The following WDFY3 variants were observed in gnomAD, a reference collection of about 807,000 sequenced individuals.
WDFY3 encodes the protein WD repeat and FYVE domain-containing protein 3.
WDFY3 carries 66 observed loss-of-function variants against 409.6 expected under a neutral mutation model. The observed-to-expected ratio is 0.16, with a 90% confidence interval of 0.13 to 0.20. The LOEUF (loss-of-function observed/expected upper bound fraction) is 0.20, where lower values mean the gene tolerates loss of function less well. Among genes scored for constraint, WDFY3 ranks in the 10% least tolerant of loss-of-function variants. The pLI is 1.00. For synonymous variants in WDFY3, 1,521 were observed against 1,537.1 expected (o/e 0.99, Z 0.25); for missense variants, 3,031 against 4,298.1 (o/e 0.71, Z 8.24).
At chr4:84,914,196 C>T (rs1224823521) in intron 2 of WDFY3, among the ~76,000 whole-genome samples, 8 of 151,952 alleles carry the variant, frequency 5.3e-5, no homozygotes, top group Admixed American at 3.3e-4. Context: ...CCGAGGCGGG[C>T]GGATCACAAG....
intron 2 of WDFY3, among the ~76,000 whole-genome samples, chr4:84,904,458 T>C (rs1189386917): frequency 1.3e-5 from 2 of 152,186 alleles, no homozygotes; most frequent in Non-Finnish European, 2.9e-5. Flanking sequence ...AGGGCTCTGT[T>C]AGTCATTCAT....
At chr4:84,859,438 TA>T (rs1760242067) in intron 4 of WDFY3, among the ~76,000 whole-genome samples, 1 of 152,126 alleles carries the variant, frequency 6.6e-6, no homozygotes, top group South Asian at 2.1e-4. Flanking sequence ...ACAACAGCAG[TA>T]AAAGTATGTT....
In WDFY3 at chr4:84,889,931, T is replaced by C. The variant is rs142990203; in HGVS notation, c.-32+6980A>G. ...GTTCCAAATTCTTATAGCCAGTATA[T>C]GATAAATATGGTGGGGATTGCAGCT... On this transcript the variant is annotated intron_variant, in intron 3 of 67. Coordinates refer to ENST00000295888, the MANE Select transcript of WDFY3 (RefSeq NM_014991.6). Among the ~76,000 whole-genome samples the C allele has an allele frequency of 5.1e-3, 783 of 152,274 alleles. 6 individuals carry two copies. Among genetic ancestry groups the C allele is most frequent in the African/African-American group, 0.018 (736 of 41,556 alleles).
At chr4:84,696,699 T>C in intron 57 of WDFY3, 33 bp downstream of exon 57, 1 of 1,602,280 alleles carries the variant, frequency 6.2e-7, no homozygotes, top group Non-Finnish European at 8.5e-7. Flanking sequence ...CCAAATGAAA[T>C]TCAACTTCAA....
chr4:84,911,177 G>T (rs1343745533), intron 2 of WDFY3, among the ~76,000 whole-genome samples: 1 of 152,088 alleles, frequency 6.6e-6, no homozygotes, highest in African/African-American at 2.4e-5. Context: ...TCTGATAAGG[G>T]TTATCCAGAA....
At chr4:84,678,882 A>G (rs201710690) in intron 65 of WDFY3, 37 bp downstream of exon 65, 13 of 1,578,254 alleles carry the variant, frequency 8.2e-6, no homozygotes, top group African/African-American at 1.3e-5. Context: ...CACACCACAT[A>G]TAAGGAGTGA....
At chr4:84,831,286 C>G in intron 8 of WDFY3, 127 bp downstream of exon 8, 1 of 759,272 alleles carries the variant, frequency 1.3e-6, no homozygotes, top group South Asian at 5.4e-5. Context: ...TTTCTTTTCT[C>G]TGGGCAAATT....
In WDFY3 at chr4:84,677,016, G is replaced by A. The variant is rs183141083; in HGVS notation, c.10457+183C>T. The stretch of plus-strand genomic sequence containing the variant: ...ATGGATGACAAGGTGTTTGTGACTT[G>A]TATGACAGAAAAATTTCCTAATTGT... On this transcript the variant is annotated intron_variant, in intron 67 of 67. Transcript: ENST00000295888. Among the ~76,000 whole-genome samples the A allele has an allele frequency of 1.1e-4, 17 of 152,290 alleles. No individual in the cohort carries two copies. In the East Asian group the frequency reaches 3.3e-3, roughly 29 times the overall value.
At chr4:84,707,181 C>T (rs942275185) in intron 53 of WDFY3, among the ~76,000 whole-genome samples, 8 of 152,048 alleles carry the variant, frequency 5.3e-5, no homozygotes, top group African/African-American at 1.7e-4. Context: ...TTGCCCTCCT[C>T]GGCCTCCCAA....
chr4:84,893,081 A>C (rs1406342171), intron 3 of WDFY3, among the ~76,000 whole-genome samples: 1 of 152,170 alleles, frequency 6.6e-6, no homozygotes, highest in Non-Finnish European at 1.5e-5. Context: ...AGAATTAGAG[A>C]AGGGGAGAGT....
chr4:84,941,435 A>T (rs1417885548), intron 1 of WDFY3, among the ~76,000 whole-genome samples: 1 of 152,052 alleles, frequency 6.6e-6, no homozygotes, highest in Non-Finnish European at 1.5e-5. Flanking sequence ...TAATTCTAAC[A>T]AACTGTGCAA....
chr4:84,750,126 C>G (rs1254401028), intron 36 of WDFY3, among the ~76,000 whole-genome samples: 1 of 152,068 alleles, frequency 6.6e-6, no homozygotes, highest in Admixed American at 6.6e-5. Context: ...CTATTATTTT[C>G]CAATAAACTA....
intron 32 of WDFY3, among the ~76,000 whole-genome samples, chr4:84,761,804 A>C (rs1345648185): frequency 6.6e-6 from 1 of 152,218 alleles, no homozygotes; most frequent in Non-Finnish European, 1.5e-5. Context: ...TGGGCAAAGG[A>C]CATGAACAGA....
Position 84,817,463 on chromosome 4 carries a change from T to C in WDFY3, c.1816A>G (p.Met606Val). 1 of 1,613,844 alleles carries C rather than the reference T, an allele frequency of 6.2e-7. No homozygotes were observed. The highest frequency in any genetic ancestry group is 8.5e-7 in the Non-Finnish European group (1 of 1,179,802). The change falls in exon 13 of 68, where the codon ATG (methionine) becomes GTG (valine). Residue 606 changes from methionine to valine, a missense_variant. Physicochemically the swap from Met to Val is conservative, Grantham distance 21 (BLOSUM62 1). Coordinates refer to ENST00000295888, the MANE Select transcript of WDFY3 (RefSeq NM_014991.6). Reference protein sequence around the residue: ...LVLSPNGDDDMGTLLGLMHSA... With the variant: ...LVLSPNGDDDVGTLLGLMHSA... Reference sequence around the variant, plus strand: ...TGCATTAGCCCCAGGAGAGTGCCCATGTCATCGTCCCCATTTGGGGAGAGC... The same window carrying C: ...TGCATTAGCCCCAGGAGAGTGCCCACGTCATCGTCCCCATTTGGGGAGAGC...
chr4:84,888,848 T>G (rs1764568015), intron 3 of WDFY3, among the ~76,000 whole-genome samples: 2 of 151,964 alleles, frequency 1.3e-5, no homozygotes, highest in African/African-American at 4.8e-5. Flanking sequence ...TTTTTTTTCT[T>G]GGCTAGCTGG....
At chr4:84,846,636 T>C (rs1269994208) in intron 5 of WDFY3, among the ~76,000 whole-genome samples, 2 of 149,702 alleles carry the variant, frequency 1.3e-5, no homozygotes, top group African/African-American at 4.9e-5. Context: ...TGGGGATACC[T>C]AATTTCATCA....
Position 84,672,982 on chromosome 4 carries a change from G to A in WDFY3, c.10467C>T (p.Arg3489=), listed in dbSNP as rs1725657709. Residue 3489 remains arginine, a synonymous_variant, in exon 68 of 68, where the codon CGC becomes CGT. Coordinates refer to ENST00000295888, the MANE Select transcript of WDFY3 (RefSeq NM_014991.6). ...CGQLFCQKCS[R]FQSEIKRLKI... is the part of the protein sequence containing the mutation. ...TCAAGCGTTTGATTTCAGATTGAAAGCGACTGCACCTAAAGGAAAGGAAAA... is the reference window on the plus strand; with the variant it reads ...TCAAGCGTTTGATTTCAGATTGAAAACGACTGCACCTAAAGGAAAGGAAAA... The A allele has an allele frequency of 2.5e-6, 4 of 1,614,092 alleles. No individual in the cohort carries two copies. The highest frequency in any genetic ancestry group is 3.4e-6 in the Non-Finnish European group (4 of 1,179,972).
rs1733158195 is a variant in WDFY3 at position 84,712,799 on chromosome 4, A to T, written c.8042+360T>A. 2.0e-5 allele frequency among the ~76,000 whole-genome samples: 3 copies of T among 152,320 alleles called. No individual in the cohort carries two copies. In the South Asian group the frequency reaches 6.2e-4, roughly 32 times the overall value. On this transcript the variant is annotated intron_variant, in intron 51 of 67. Transcript: ENST00000295888. ...GATGTTTTATATATGTGATGAATAGATAGCGAATAATAGTTATGTTTCTGA... is the reference window on the plus strand; with the variant it reads ...GATGTTTTATATATGTGATGAATAGTTAGCGAATAATAGTTATGTTTCTGA...
intron 64 of WDFY3, among the ~76,000 whole-genome samples, chr4:84,679,772 C>A (rs1005889974): frequency 4.0e-5 from 6 of 151,554 alleles, no homozygotes; most frequent in Non-Finnish European, 2.9e-5. Flanking sequence ...TTCTGTGCCT[C>A]CTGAGTTCTT....
Sources: gnomAD v4.1 joint callset for allele counts (sites outside exome capture counted in the v4.1 genomes callset) on GRCh38, gnomAD v4.1.1 for gene constraint, MANE v1.5 for transcripts, NCBI Gene and HGNC (gene_info 2026-07-23, HGNC 2026-07-21) for gene names.